KMT2A: variants seen among roughly 807,000 people sequenced by gnomAD.
The protein encoded by KMT2A is histone-lysine N-methyltransferase 2A.
In KMT2A, 16 loss-of-function variants were observed where a neutral mutation model predicts 345.3. That is an observed-to-expected ratio of 0.05 (90% CI 0.03 to 0.07). KMT2A has a LOEUF of 0.07. Among genes scored for constraint, KMT2A ranks in the 10% least tolerant of loss-of-function variants. The probability of loss-of-function intolerance (pLI) is 1.00; values close to 1 mark genes in which losing one functional copy is unlikely to be tolerated. For synonymous variants in KMT2A, 1,599 were observed against 1,778.6 expected (o/e 0.90, Z 2.54); for missense variants, 3,272 against 4,841.6 (o/e 0.68, Z 9.62).
At position 118,506,083 on chromosome 11, in the gene KMT2A, C is replaced by T; in HGVS notation, c.10191C>T (p.Asp3397=). 6.2e-7 allele frequency: 1 copy of T among 1,614,174 alleles called. No homozygotes were observed. Among genetic ancestry groups the T allele is most frequent in the Non-Finnish European group, 8.5e-7 (1 of 1,180,034 alleles). ...KASQQSLGIQ[D]QPVALPPSSG... is the part of the protein sequence containing the mutation. ...GCCAGCAGAGCCTGGGGATTCAGGA[C>T]CAGCCTGTGGCTTTACCGCCAAGTT... The change falls in exon 27 of 36, where the codon GAC becomes GAT. Residue 3397 remains aspartate, a synonymous_variant. Transcript: ENST00000534358.
rs782614654 is a variant in KMT2A at position 118,472,784 on chromosome 11, C to T, written c.1625C>T (p.Thr542Met). The change falls in exon 3 of 36, where the codon ACG becomes ATG. Residue 542 changes from threonine (T) to methionine (M), a missense_variant. Thr to Met is a moderately conservative substitution (Grantham distance 81). Coordinates refer to ENST00000534358, the MANE Select transcript of KMT2A (RefSeq NM_001197104.2). ...SVSERSFGSR[T>M]TKKLSTLQSA... ...TCGGAGAGAAGTTTTGGATCTAGAA[C>T]GACGAAAAAATTATCAACTCTACAA... 9.9e-6 allele frequency: 16 copies of T among 1,613,492 alleles called. No homozygotes were observed. The highest frequency in any genetic ancestry group is 1.3e-5 in the African/African-American group (1 of 74,712).
In KMT2A at chr11:118,524,073, C is replaced by T. The variant is rs1035174643; in HGVS notation, c.*1901C>T. On this transcript the variant is annotated 3_prime_UTR_variant, in exon 36 of 36. Transcript: ENST00000534358. ...TAGCAAACAACAAGTTGAATGGCAA[C>T]TTGACATTTTTGCATCACCATCTGC... The T allele has an allele frequency of 5.7e-5, 11 of 191,862 alleles. No homozygotes were observed. The highest frequency in any genetic ancestry group is 1.1e-4 in the Non-Finnish European group (10 of 91,428). The allele number at this position is 191,862 out of a possible 1,614,324, so 11.9% of individuals were successfully genotyped here.
chr11:118,519,685 T>C lies in KMT2A; in HGVS notation c.11214T>C (p.Ser3738=). The change falls in exon 32 of 36, where the codon TCT becomes TCC. Residue 3738 remains serine, a synonymous_variant. Coordinates refer to ENST00000534358, the MANE Select transcript of KMT2A (RefSeq NM_001197104.2). ...TTGTGTTCCTCATTGAGCAGCTGTC[T>C]GGTGCCAAGCACTGTCGAAATTACA... ...DAVVFLIEQL[S]GAKHCRNYKF... The C allele has an allele frequency of 6.2e-7, 1 of 1,614,188 alleles. No individual in the cohort carries two copies. Among genetic ancestry groups the C allele is most frequent in the Non-Finnish European group, 8.5e-7 (1 of 1,180,018 alleles).
At position 118,506,022 on chromosome 11, in the gene KMT2A, A is replaced by C. The variant is rs782811050; in HGVS notation, c.10130A>C (p.Asp3377Ala). Residue 3377 changes from aspartate to alanine, a missense_variant, in exon 27 of 36, where the codon GAT becomes GCT. Around this residue, in one of 27 missense-constraint regions of KMT2A, gnomAD observed 748 missense variants for 922.2 expected, o/e 0.81. Transcript: ENST00000534358. ...LTNPRLLGTPDIGSISNLLIK... is the reference protein window; with the variant it reads ...LTNPRLLGTPAIGSISNLLIK... ...AACCCAAGGTTGCTTGGTACCCCAG[A>C]TATTGGCTCAATAAGCAATCTTTTA... 1 of 1,614,198 alleles carries C rather than the reference A, an allele frequency of 6.2e-7. No individual in the cohort carries two copies. Among genetic ancestry groups the C allele is most frequent in the African/African-American group, 1.3e-5 (1 of 75,046 alleles).
In KMT2A at chr11:118,520,995, G is replaced by A. The variant is rs570922084; in HGVS notation, c.11513+110G>A. ...CTCACTCAGTAAGTGAGGATTTTAC[G>A]GACACTATTTATTGACCCTCATATC... On this transcript the variant is annotated intron_variant, in intron 34 of 35. Transcript: ENST00000534358. The surrounding 1 kb of genome is among the most constrained non-coding windows in gnomAD (Gnocchi z 4.3). 2.3e-5 allele frequency: 19 copies of A among 825,438 alleles called. No individual in the cohort carries two copies. The highest frequency in any genetic ancestry group is 1.5e-4 in the African/African-American group (9 of 58,614). 51.1% of individuals were successfully genotyped at this position (825,438 alleles called of 1,614,324 possible).
At chr11:118,488,874 CTG>C in intron 11 of KMT2A, 114 bp downstream of exon 11, 1 of 850,448 alleles carries the variant, frequency 1.2e-6, no homozygotes, top group Non-Finnish European at 1.8e-6. Context: ...GTAGTTGCCT[CTG>C]TACTCTATGT....
At position 118,494,095 on chromosome 11, in the gene KMT2A, T is replaced by G. The variant is rs1253587255; in HGVS notation, c.5179-193T>G. On this transcript the variant is annotated intron_variant, in intron 16 of 35. Coordinates refer to ENST00000534358, the MANE Select transcript of KMT2A (RefSeq NM_001197104.2). This position sits in a 1 kb window ranked among gnomAD's most constrained non-coding sequence, Gnocchi z 5.8. ...TGTTTGCATTCTTACCTCATTAGCC[T>G]GGCATCTCTTAATTGCCACAGGTTA... is the stretch of plus-strand genomic sequence containing the variant. 2.0e-5 allele frequency among the ~76,000 whole-genome samples: 3 copies of G among 152,224 alleles called. No homozygotes were observed. The highest frequency in any genetic ancestry group is 2.0e-4 in the Admixed American group (3 of 15,284).
At position 118,507,529 on chromosome 11, in the gene KMT2A, G is replaced by A. The variant is rs1273695536; in HGVS notation, c.10755G>A (p.Gly3585=). ...AAAGATACAAATGCCTGTGTTCCAG[G>A]ACTCCAGGAGCAGAGGCTGAGCAGC... ...QETTSLTSGT[G]TPGAEAEQQD... The change falls in exon 28 of 36, where the codon GGG becomes GGA. Residue 3585 remains glycine, a splice_region_variant and synonymous_variant. Coordinates refer to ENST00000534358, the MANE Select transcript of KMT2A (RefSeq NM_001197104.2). 2.5e-6 allele frequency: 4 copies of A among 1,613,818 alleles called. No homozygotes were observed. Among genetic ancestry groups the A allele is most frequent in the Non-Finnish European group, 3.4e-6 (4 of 1,179,850 alleles).
At chr11:118,482,572 C>A (rs1950153552) in intron 8 of KMT2A, 77 bp downstream of exon 8, 1 of 1,029,134 alleles carries the variant, frequency 9.7e-7, no homozygotes, top group Non-Finnish European at 1.5e-6. Flanking sequence ...TCCTTGACTT[C>A]TATGTAGATG....
chr11:118,457,292 G>C (rs1352044846), intron 1 of KMT2A, among the ~76,000 whole-genome samples: 2 of 106,870 alleles, frequency 1.9e-5, no homozygotes, highest in African/African-American at 7.4e-5. Flanking sequence ...TTTTGAGACA[G>C]AGTCTTGCTC....
At chr11:118,509,236 A>G (rs782049421) in intron 29 of KMT2A, 36 bp downstream of exon 29, 2 of 1,503,958 alleles carry the variant, frequency 1.3e-6, no homozygotes, top group South Asian at 2.3e-5. Flanking sequence ...ATCAGAGAAT[A>G]TCAATGCTAA....
chr11:118,485,942 G>A (rs1444118659), intron 10 of KMT2A, among the ~76,000 whole-genome samples: 2 of 152,190 alleles, frequency 1.3e-5, no homozygotes, highest in African/African-American at 2.4e-5. Context: ...AATTAGCCGG[G>A]TGTGGTGGCG....
At position 118,498,200 on chromosome 11, in the gene KMT2A, T is replaced by G. The variant is rs1237122102; in HGVS notation, c.5802+127T>G. 8.5e-6 allele frequency: 10 copies of G among 1,171,252 alleles called. No homozygotes were observed. Among genetic ancestry groups the G allele is most frequent in the African/African-American group, 1.5e-5 (1 of 64,950 alleles). 72.6% of individuals were successfully genotyped at this position (1,171,252 alleles called of 1,614,324 possible). Reference sequence around the variant, plus strand: ...ATCAGGGTAGTTAGCCAACAAGTATTGATATACATAATTCAACAGATAAAA... The same window carrying G: ...ATCAGGGTAGTTAGCCAACAAGTATGGATATACATAATTCAACAGATAAAA... On this transcript the variant is annotated intron_variant, in intron 21 of 35. Transcript: ENST00000534358. The surrounding 1 kb of genome is among the most constrained non-coding windows in gnomAD (Gnocchi z 4.4).
intron 26 of KMT2A, 24 bp downstream of exon 26, chr11:118,501,881 T>C (rs375512905): frequency 2.5e-6 from 4 of 1,577,868 alleles, no homozygotes; most frequent in East Asian, 2.2e-5. Context: ...TTGACCTACT[T>C]GACCTAAGAA....
rs782275407 is a variant in KMT2A, at chr11:118,520,777, G to A, written c.11430-25G>A. ...AAACATTATTTCCTGAAAAAAATTCGTTAATAGTATGTCTTATCTCTTAGG... is the reference window on the plus strand; with the variant it reads ...AAACATTATTTCCTGAAAAAAATTCATTAATAGTATGTCTTATCTCTTAGG... On this transcript the variant is annotated intron_variant, in intron 33 of 35. Transcript: ENST00000534358. The surrounding 1 kb of genome is among the most constrained non-coding windows in gnomAD (Gnocchi z 4.3). The A allele has an allele frequency of 1.4e-5, 22 of 1,578,668 alleles. No homozygotes were observed. The highest frequency in any genetic ancestry group is 1.3e-4 in the South Asian group (12 of 90,344).
chr11:118,504,222 A>G lies in KMT2A; in HGVS notation c.8330A>G (p.His2777Arg), dbSNP rs1950546380. Reference sequence around the variant, plus strand: ...CATGTCACTAAGAGTTCTGTTGGCCACAAAAATGAGCCAAAGATGGATAAC... The same window carrying G: ...CATGTCACTAAGAGTTCTGTTGGCCGCAAAAATGAGCCAAAGATGGATAAC... Reference protein sequence around the residue: ...KEHVTKSSVGHKNEPKMDNCH... With the variant: ...KEHVTKSSVGRKNEPKMDNCH... The change falls in exon 27 of 36, where the codon CAC (histidine) becomes CGC (arginine). Residue 2777 changes from histidine (H) to arginine (R), a missense_variant. This residue lies in a region of KMT2A where 100 missense variants were observed against 101.3 expected (regional missense o/e 0.99). Coordinates refer to ENST00000534358, the MANE Select transcript of KMT2A (RefSeq NM_001197104.2). The surrounding 1 kb of genome is among the most constrained non-coding windows in gnomAD (Gnocchi z 6.4). 6.2e-7 allele frequency: 1 copy of G among 1,614,186 alleles called. No homozygotes were observed. Among genetic ancestry groups the G allele is most frequent in the Non-Finnish European group, 8.5e-7 (1 of 1,180,028 alleles).
At chr11:118,463,552 A>T (rs969551424) in intron 1 of KMT2A, among the ~76,000 whole-genome samples, 2 of 152,200 alleles carry the variant, frequency 1.3e-5, no homozygotes, top group Non-Finnish European at 2.9e-5. Context: ...AAGAATAGCA[A>T]TTTTTGTACT....
chr11:118,442,098 C>G (rs1555025992), intron 1 of KMT2A, among the ~76,000 whole-genome samples: 2 of 152,192 alleles, frequency 1.3e-5, no homozygotes, highest in Non-Finnish European at 2.9e-5. Flanking sequence ...TGCCCACATT[C>G]CACTAGTGTT....
At chr11:118,516,395 T>C (rs1237652869) in intron 31 of KMT2A, among the ~76,000 whole-genome samples, 1 of 152,032 alleles carries the variant, frequency 6.6e-6, no homozygotes, top group Non-Finnish European at 1.5e-5. Flanking sequence ...AGTTTGAGCT[T>C]ATAGTGTGCC....
Sources: allele counts gnomAD v4.1 joint callset (sites outside exome capture counted in the v4.1 genomes callset), GRCh38; gene constraint gnomAD v4.1.1; regional missense constraint gnomAD v4.1.1; non-coding constraint Gnocchi (gnomAD v3.1); transcripts MANE v1.5; gene names NCBI Gene and HGNC (gene_info 2026-07-23, HGNC 2026-07-21).